The following FMN1 variants were observed in gnomAD, a reference collection of about 807,000 sequenced individuals.
FMN1 encodes formin 1, also known as formin-1.
A neutral mutation model predicts 132.4 loss-of-function variants in FMN1; 110 were observed. The observed-to-expected ratio is 0.83, with a 90% CI of 0.71 to 0.97. The LOEUF is 0.97. FMN1 is among the 50% of genes least tolerant of loss of function. The pLI is 0.00. For synonymous variants in FMN1, 722 were observed against 651.7 expected, an observed-to-expected ratio of 1.11 and a Z score of -1.64; for missense variants, 1,792 against 1,705.3, an observed-to-expected ratio of 1.05 and a Z score of -0.90.
intron 4 of FMN1, among the ~76,000 whole-genome samples, chr15:33,145,335 G>A (rs966544118): frequency 3.3e-5 from 5 of 151,492 alleles, no homozygotes; most frequent in African/African-American, 9.7e-5. Context: ...AAACCACACT[G>A]GATAAAATCT....
Position 33,088,789 on chromosome 15 carries a change from T to G in FMN1, c.2043+10A>C, listed in dbSNP as rs1345529443. The G allele has an allele frequency of 6.5e-7, 1 of 1,533,326 alleles. No homozygotes were observed. The highest frequency in any genetic ancestry group is 2.4e-5 in the East Asian group (1 of 40,878). 95.0% of individuals were successfully genotyped at this position (1,533,326 alleles called of 1,614,324 possible). ...AGAACCACAGCACAATCACCAAGAT[T>G]TCTACTTACATGGAGATCCAAGTAC... is the stretch of plus-strand genomic sequence containing the variant. On this transcript the variant is annotated intron_variant, in intron 5 of 20. Coordinates refer to ENST00000616417, the MANE Select transcript of FMN1 (RefSeq NM_001277313.2).
chr15:32,815,222 G>A (rs1237877689), intron 17 of FMN1, among the ~76,000 whole-genome samples: 6 of 152,200 alleles, frequency 3.9e-5, no homozygotes, highest in Admixed American at 1.3e-4. Flanking sequence ...GATTACAGGC[G>A]TGAGCCATCG....
chr15:32,878,628 G>A (rs1023039996), intron 16 of FMN1, among the ~76,000 whole-genome samples: 13 of 152,108 alleles, frequency 8.5e-5, no homozygotes, highest in Non-Finnish European at 1.9e-4. Flanking sequence ...TTCCTTTGTG[G>A]GATCCCAGTA....
At chr15:32,937,523 G>C (rs28661574) in intron 9 of FMN1, among the ~76,000 whole-genome samples, 1 of 152,118 alleles carries the variant, frequency 6.6e-6, no homozygotes, top group South Asian at 2.1e-4. Context: ...ACAAGGATCC[G>C]GTATTTTCTA....
At chr15:33,103,364 T>C (rs1427294732) in intron 4 of FMN1, among the ~76,000 whole-genome samples, 10 of 152,114 alleles carry the variant, frequency 6.6e-5, no homozygotes, top group Non-Finnish European at 1.3e-4. Flanking sequence ...GTTCTCACCT[T>C]CTGGAGTTAC....
chr15:33,036,341 C>T (rs757078105), intron 6 of FMN1, among the ~76,000 whole-genome samples: 5 of 152,170 alleles, frequency 3.3e-5, no homozygotes, highest in Middle Eastern at 3.2e-3. Context: ...TGAGTGCCTA[C>T]TATATGACAT....
chr15:33,082,996 T>C lies in FMN1; in HGVS notation c.2043+5803A>G, dbSNP rs572306512. 4.6e-5 allele frequency among the ~76,000 whole-genome samples: 7 copies of C among 152,252 alleles called. No homozygotes were observed. In the East Asian group the frequency reaches 1.4e-3, roughly 29 times the overall value. ...GTTCAGTCTTTCCAGAGCTTTGTAG[T>C]TTGCCCATAATAGTCTACAGAATTT... On this transcript the variant is annotated intron_variant, in intron 5 of 20. Coordinates refer to ENST00000616417, the MANE Select transcript of FMN1 (RefSeq NM_001277313.2).
intron 4 of FMN1, among the ~76,000 whole-genome samples, chr15:33,093,421 T>A (rs955723982): frequency 1.3e-5 from 2 of 152,214 alleles, no homozygotes; most frequent in Admixed American, 6.5e-5. Flanking sequence ...AAAGTGACAC[T>A]GCTAAGTGCT....
intron 9 of FMN1, among the ~76,000 whole-genome samples, chr15:32,955,775 C>T (rs1449898769): frequency 2.0e-5 from 3 of 151,896 alleles, no homozygotes; most frequent in Admixed American, 6.6e-5. Flanking sequence ...CACTCTCTTC[C>T]GATATGGAAG....
chr15:33,153,612 C>G lies in FMN1; in HGVS notation c.1303G>C (p.Glu435Gln). Residue 435 changes from glutamate to glutamine, a missense_variant, in exon 4 of 21, where the codon GAG becomes CAG. Physicochemically the swap from Glu to Gln is conservative, Grantham distance 29. This residue lies in a region of FMN1 where 638 missense variants were observed against 645.2 expected (regional missense o/e 0.99). Coordinates refer to ENST00000616417, the MANE Select transcript of FMN1 (RefSeq NM_001277313.2). ...IESEKLDEAP[E>Q]GKRLGFPVHT... ...ACAGGGAAGCCCAGTCTTTTCCCCT[C>G]AGGGGCTTCATCTAACTTCTCACTC... 6.5e-7 allele frequency: 1 copy of G among 1,536,258 alleles called. No homozygotes were observed. The highest frequency in any genetic ancestry group is 1.2e-5 in the South Asian group (1 of 84,064).
rs201407316 is a variant in FMN1, at chr15:32,964,052, T to C, written c.3138+55A>G. 4,183 of 810,488 alleles carry C rather than the reference T, an allele frequency of 5.2e-3. 7 individuals are homozygous for C. The highest frequency in any genetic ancestry group is 6.8e-3 in the Non-Finnish European group (3,691 of 541,386). 50.2% of individuals were successfully genotyped at this position (810,488 alleles called of 1,614,324 possible). A position where few individuals can be genotyped will look rare whatever the true frequency, so the allele number is the denominator to read the frequency against. ...ACACACACACACACACACACACATA[T>C]ATACCATTTCCCTGTATAATATATA... On this transcript the variant is annotated intron_variant, in intron 9 of 20. Transcript: ENST00000616417.
At chr15:32,870,759 T>C (rs1429106629) in intron 16 of FMN1, among the ~76,000 whole-genome samples, 3 of 152,186 alleles carry the variant, frequency 2.0e-5, no homozygotes, top group African/African-American at 4.8e-5. Context: ...ATTTGATTTA[T>C]AGGGTGTTAA....
chr15:33,097,025 G>A (rs1044666686), intron 4 of FMN1, among the ~76,000 whole-genome samples: 2 of 152,074 alleles, frequency 1.3e-5, no homozygotes, highest in African/African-American at 2.4e-5. Flanking sequence ...CGGGCACAGC[G>A]GCTCATGCCT....
In FMN1 at chr15:33,100,027, C is replaced by A. The variant is rs143113915; in HGVS notation, c.1868-11053G>T. 2.6e-3 allele frequency among the ~76,000 whole-genome samples: 396 copies of A among 152,190 alleles called. 4 individuals are homozygous for A. The highest frequency in any genetic ancestry group is 6.8e-3 in the Middle Eastern group (2 of 294). The stretch of plus-strand genomic sequence containing the variant: ...TGGGCTTGGTGGGTTTGGAGGTCTT[C>A]GTGTCCAAAAGAGGAATGCTTCCAG... On this transcript the variant is annotated intron_variant, in intron 4 of 20. Coordinates refer to ENST00000616417, the MANE Select transcript of FMN1 (RefSeq NM_001277313.2).
chr15:33,008,462 T>C (rs996418490), intron 6 of FMN1, among the ~76,000 whole-genome samples: 1 of 152,078 alleles, frequency 6.6e-6, no homozygotes, highest in Non-Finnish European at 1.5e-5. Context: ...GAAAACTTTC[T>C]ATGTGAGATC....
intron 16 of FMN1, among the ~76,000 whole-genome samples, chr15:32,881,374 T>C (rs1055173019): frequency 6.6e-6 from 1 of 152,208 alleles, no homozygotes; most frequent in African/African-American, 2.4e-5. Context: ...TCATTTATCA[T>C]GTATACATCT....
intron 5 of FMN1, among the ~76,000 whole-genome samples, chr15:33,075,640 C>A (rs1283803537): frequency 6.6e-6 from 1 of 152,098 alleles, no homozygotes; most frequent in East Asian, 1.9e-4. Context: ...CAAGCTCCAA[C>A]ATGATTTTTA....
In FMN1 at chr15:33,136,218, A is replaced by C. The variant is rs112071442; in HGVS notation, c.1867+16830T>G. ...GTTGTCCCTCTGCTGTTTACTTAGC[A>C]AGGTACCCTCTCTGAGTCTTAGCTC... is the stretch of plus-strand genomic sequence containing the variant. On this transcript the variant is annotated intron_variant, in intron 4 of 20. Transcript: ENST00000616417. 6.4e-3 allele frequency among the ~76,000 whole-genome samples: 978 copies of C among 152,340 alleles called. 16 individuals are homozygous for C. Among genetic ancestry groups the C allele is most frequent in the African/African-American group, 0.023 (939 of 41,574 alleles).
intron 17 of FMN1, among the ~76,000 whole-genome samples, chr15:32,849,689 C>A (rs2058961425): frequency 6.6e-6 from 1 of 151,632 alleles, no homozygotes; most frequent in African/African-American, 2.4e-5. Context: ...GGAGGAGTCT[C>A]ACTGTGGCCC....
Sources: gnomAD v4.1 joint callset for allele counts (sites outside exome capture counted in the v4.1 genomes callset) on GRCh38, gnomAD v4.1.1 for gene constraint, gnomAD v4.1.1 regional missense constraint, MANE v1.5 for transcripts, NCBI Gene and HGNC (gene_info 2026-07-23, HGNC 2026-07-21) for gene names.